GANC: variants seen among roughly 807,000 people sequenced by gnomAD.
The protein encoded by GANC is glucosidase alpha, neutral C, also known as neutral alpha-glucosidase C.
In GANC, 117 loss-of-function variants were observed where a neutral mutation model predicts 124.2. The ratio of observed to expected loss-of-function variants is 0.94; its 90% CI spans 0.81 to 1.10. The LOEUF (loss-of-function observed/expected upper bound fraction) is 1.10. GANC is among the 50% of genes least tolerant of loss of function. The probability of loss-of-function intolerance (pLI) is 0.00; values close to 1 mark genes in which losing one functional copy is unlikely to be tolerated. For synonymous variants in GANC, 377 were observed against 376.8 expected, an observed-to-expected ratio of 1.00 and a Z score of -0.01; for missense variants, 1,140 against 1,095.0, an observed-to-expected ratio of 1.04 and a Z score of -0.58.
chr15:42,307,374 C>T (rs1310413958), intron 7 of GANC, among the ~76,000 whole-genome samples: 2 of 144,144 alleles, frequency 1.4e-5, no homozygotes, highest in African/African-American at 5.2e-5. Context: ...CACTCTGTCA[C>T]CCAGGCTGGA....
At chr15:42,284,770 G>C (rs1406536213) in intron 3 of GANC, among the ~76,000 whole-genome samples, 1 of 152,152 alleles carries the variant, frequency 6.6e-6, no homozygotes, top group African/African-American at 2.4e-5. Flanking sequence ...GCCCCACTGA[G>C]TAGCTGGGGC....
intron 6 of GANC, among the ~76,000 whole-genome samples, chr15:42,305,511 T>G (rs956722294): frequency 1.3e-5 from 2 of 152,232 alleles, no homozygotes; most frequent in African/African-American, 2.4e-5. Flanking sequence ...GAGTGTAAAT[T>G]AGTTCAACCA....
intron 3 of GANC, among the ~76,000 whole-genome samples, chr15:42,283,031 A>G (rs1027609097): frequency 6.6e-6 from 1 of 152,174 alleles, no homozygotes; most frequent in Non-Finnish European, 1.5e-5. Context: ...TTACCTCCCA[A>G]GGGCTTCATC....
chr15:42,306,881 T>A (rs939557495), intron 7 of GANC, among the ~76,000 whole-genome samples: 2 of 152,166 alleles, frequency 1.3e-5, no homozygotes, highest in Non-Finnish European at 2.9e-5. Flanking sequence ...GCTTGCACTG[T>A]TCATCAGATA....
Position 42,274,296 on chromosome 15 carries a change from G to GAAAAAAAAAA in GANC, c.-181_-180insAAAAAAAAAA, listed in dbSNP as rs2051628670. The GAAAAAAAAAA allele has an allele frequency of 7.6e-6, 5 of 655,720 alleles. No homozygotes were observed. Among genetic ancestry groups the GAAAAAAAAAA allele is most frequent in the Non-Finnish European group, 1.3e-5 (5 of 376,042 alleles). 40.6% of individuals were successfully genotyped at this position (655,720 alleles called of 1,614,324 possible). On this transcript the variant is annotated 5_prime_UTR_variant, in exon 1 of 24. Transcript: ENST00000318010. The stretch of plus-strand genomic sequence containing the variant: ...ATTGTAGAAACGCTAGTTTGGGCCT[G>GAAAAAAAAAA]AAAAATTCCAGGAGCAAGAGTCAAG...
At chr15:42,300,345 GAAA>G (rs1378963275) in intron 6 of GANC, among the ~76,000 whole-genome samples, 3 of 152,040 alleles carry the variant, frequency 2.0e-5, no homozygotes, top group Non-Finnish European at 4.4e-5. Context: ...CAACAAACAT[GAAA>G]AAAAGCTCAA....
At chr15:42,299,751 A>G (rs778389413) in intron 6 of GANC, among the ~76,000 whole-genome samples, 2 of 152,232 alleles carry the variant, frequency 1.3e-5, no homozygotes, top group African/African-American at 4.8e-5. Flanking sequence ...CTGGTACCAA[A>G]ACAGACATAT....
intron 18 of GANC, among the ~76,000 whole-genome samples, 170 bp downstream of exon 18, chr15:42,340,924 C>T (rs1006726806): frequency 1.3e-5 from 2 of 151,812 alleles, no homozygotes; most frequent in African/African-American, 4.8e-5. Context: ...CGCCACCATG[C>T]CCGGCTAATT....
At chr15:42,274,595 T>C in intron 1 of GANC, 85 bp downstream of exon 1, 1 of 1,294,026 alleles carries the variant, frequency 7.7e-7, no homozygotes, top group Non-Finnish European at 1.1e-6. Context: ...CTTATTTGCG[T>C]ATTTGGTATT....
intron 5 of GANC, among the ~76,000 whole-genome samples, chr15:42,294,062 A>G (rs1361909829): frequency 6.6e-6 from 1 of 151,492 alleles, no homozygotes; most frequent in Admixed American, 6.5e-5. Flanking sequence ...AAACAAACAA[A>G]CAAAAAACGC....
intron 17 of GANC, 74 bp from the exon 18 acceptor site, chr15:42,340,616 A>AG: frequency 8.1e-7 from 1 of 1,238,398 alleles, no homozygotes; most frequent in East Asian, 2.4e-5. Context: ...AAAAAAAAAA[A>AG]ACTAAAAATA....
Position 42,302,803 on chromosome 15 carries a change from G to GA in GANC, c.559-3734dup, listed in dbSNP as rs113221984. Among the ~76,000 whole-genome samples, 365 of 150,736 alleles carry GA rather than the reference G, an allele frequency of 2.4e-3. 4 individuals are homozygous for GA. The highest frequency in any genetic ancestry group is 8.6e-3 in the African/African-American group (352 of 41,124). On this transcript the variant is annotated intron_variant, in intron 6 of 23. Transcript: ENST00000318010. ...AATAAAGAGTGAAGACAAGATTAGA[G>GA]AAAAAAAAATCAAAAGGAATGAACA...
intron 6 of GANC, among the ~76,000 whole-genome samples, chr15:42,302,337 C>T (rs2051953232): frequency 2.0e-5 from 3 of 152,094 alleles, no homozygotes; most frequent in Admixed American, 6.6e-5. Context: ...ACACAAAAAC[C>T]CTATCCGAAG....
At chr15:42,349,268 T>C (rs1595787375) in intron 21 of GANC, 115 bp from the exon 22 acceptor site, 2 of 692,202 alleles carry the variant, frequency 2.9e-6, no homozygotes, top group South Asian at 1.7e-5. Flanking sequence ...GACTACTTTA[T>C]ATAGCTTGAA....
intron 3 of GANC, among the ~76,000 whole-genome samples, chr15:42,282,456 C>T (rs1000252575): frequency 6.6e-6 from 1 of 152,134 alleles, no homozygotes; most frequent in African/African-American, 2.4e-5. Context: ...TGCATACATC[C>T]ACTTATTCAG....
At chr15:42,295,364 A>G (rs756195768) in intron 5 of GANC, among the ~76,000 whole-genome samples, 54 of 152,238 alleles carry the variant, frequency 3.5e-4, no homozygotes, top group Admixed American at 2.0e-3. Context: ...TTATAATTAT[A>G]TTTGTGTTAG....
At position 42,329,349 on chromosome 15, in the gene GANC, CT is replaced by C; in HGVS notation, c.1546del (p.Ser516LeufsTer41). ...TTCCTTTGGAATGACATGAATGAGC[CT>C]TCTGTCTTTAGAGGGCCAGAGCAAA... ...ILFLWNDMNEPSVFRGPEQTM... is the reference protein window; with the variant it reads ...ILFLWNDMNEXSVFRGPEQTM... On this transcript the variant is annotated frameshift_variant, in exon 14 of 24. Transcript: ENST00000318010. LOFTEE classifies it high-confidence loss of function. 6.2e-7 allele frequency: 1 copy of C among 1,614,020 alleles called. No homozygotes were observed. The highest frequency in any genetic ancestry group is 8.5e-7 in the Non-Finnish European group (1 of 1,179,926).
In GANC at chr15:42,287,682, T is replaced by G; in HGVS notation, c.202-9T>G. The G allele has an allele frequency of 1.2e-6, 2 of 1,609,232 alleles. No individual in the cohort carries two copies. Among genetic ancestry groups the G allele is most frequent in the Non-Finnish European group, 1.7e-6 (2 of 1,178,296 alleles). On this transcript the variant is annotated splice_polypyrimidine_tract_variant and intron_variant, in intron 3 of 23. Transcript: ENST00000318010. The stretch of plus-strand genomic sequence containing the variant: ...CCTGTTGAAGGTAATCTCTTGTATC[T>G]GTTTCCAGGTTCCTCTCCTGGCTGA...
At chr15:42,348,720 C>A (rs2052390779) in intron 21 of GANC, among the ~76,000 whole-genome samples, 1 of 152,220 alleles carries the variant, frequency 6.6e-6, no homozygotes, top group African/African-American at 2.4e-5. Context: ...AGATTCCTCT[C>A]CTGTCCATTT....
Sources: allele counts gnomAD v4.1 joint callset (sites outside exome capture counted in the v4.1 genomes callset), GRCh38; gene constraint gnomAD v4.1.1; transcripts MANE v1.5; gene names NCBI Gene and HGNC (gene_info 2026-07-23, HGNC 2026-07-21).